The following ATAD2B variants were observed in gnomAD, a reference collection of about 807,000 sequenced individuals.
The protein encoded by ATAD2B is ATPase family AAA domain containing 2B, also known as ATPase family AAA domain-containing protein 2B.
Under a neutral mutation model 167.6 loss-of-function variants are expected in ATAD2B, and 40 were observed. That is an observed-to-expected ratio of 0.24 (90% CI 0.19 to 0.31). The LOEUF is 0.31. Among genes scored for constraint, ATAD2B ranks in the 10% least tolerant of loss-of-function variants. The pLI is 1.00. For synonymous variants in ATAD2B, 579 were observed against 596.5 expected (o/e 0.97, Z 0.43); for missense variants, 1,242 against 1,757.2 (o/e 0.71, Z 5.24).
intron 1 of ATAD2B, among the ~76,000 whole-genome samples, chr2:23,902,393 T>A (rs902031368): frequency 1.3e-5 from 2 of 152,096 alleles, no homozygotes; most frequent in African/African-American, 4.8e-5. Flanking sequence ...TGTAAACAGG[T>A]ACAAAATAAT....
the ATAD2B span, among the ~76,000 whole-genome samples, chr2:23,729,585 C>A: frequency 6.6e-6 from 1 of 151,976 alleles, no homozygotes; most frequent in Non-Finnish European, 1.5e-5. Context: ...AAGATGTTAC[C>A]CCATTCTAGA....
chr2:23,834,936 A>G (rs1572964096), intron 13 of ATAD2B, among the ~76,000 whole-genome samples: 2 of 152,150 alleles, frequency 1.3e-5, no homozygotes, highest in Non-Finnish European at 2.9e-5. Context: ...TTGTATAGAC[A>G]TTTCTCCAAA....
chr2:23,727,524 T>C, the ATAD2B span, among the ~76,000 whole-genome samples: 6 of 151,998 alleles, frequency 3.9e-5, no homozygotes, highest in African/African-American at 9.7e-5. Flanking sequence ...AAACTAAGAG[T>C]ACCCTTTCCA....
At chr2:23,815,964 ATCT>A (rs1486129797) in intron 17 of ATAD2B, among the ~76,000 whole-genome samples, 2 of 152,204 alleles carry the variant, frequency 1.3e-5, no homozygotes, top group African/African-American at 2.4e-5. Context: ...GAGGGCCAGG[ATCT>A]TACCCTATTT....
At chr2:23,820,890 A>G (rs1015749067) in intron 16 of ATAD2B, among the ~76,000 whole-genome samples, 9 of 152,272 alleles carry the variant, frequency 5.9e-5, no homozygotes, top group African/African-American at 2.2e-4. Context: ...CGGAGCTTGC[A>G]GTGAGCCAAG....
chr2:23,730,665 C>CAAAAAAAAAAAAAAAAAAAA, the ATAD2B span, among the ~76,000 whole-genome samples: 1 of 31,988 alleles, frequency 3.1e-5, no homozygotes, highest in Non-Finnish European at 5.4e-5. Context: ...GACTCCGTTT[C>CAAAAAAAAAAAAAAAAAAAA]AAAAAAAAAA....
At chr2:23,849,820 C>T (rs986966356) in intron 13 of ATAD2B, among the ~76,000 whole-genome samples, 1 of 152,016 alleles carries the variant, frequency 6.6e-6, no homozygotes, top group Admixed American at 6.6e-5. Context: ...GAGTGAGACT[C>T]CGTCTCAAAA....
chr2:23,789,465 C>G (rs939307260), intron 19 of ATAD2B, among the ~76,000 whole-genome samples: 2 of 152,078 alleles, frequency 1.3e-5, no homozygotes, highest in African/African-American at 4.8e-5. Context: ...TATCCCAGTG[C>G]CTGGTATTTA....
intron 13 of ATAD2B, among the ~76,000 whole-genome samples, chr2:23,848,692 T>C (rs1692073217): frequency 1.3e-5 from 2 of 152,012 alleles, no homozygotes; most frequent in South Asian, 4.2e-4. Flanking sequence ...CAAACTGGAA[T>C]CATAAAAAAT....
chr2:23,768,189 A>G (rs1677737470), intron 22 of ATAD2B, among the ~76,000 whole-genome samples: 1 of 152,196 alleles, frequency 6.6e-6, no homozygotes, highest in Admixed American at 6.5e-5. Flanking sequence ...AAAGTATACA[A>G]TTTGATACAT....
chr2:23,698,871 C>A, the ATAD2B span, among the ~76,000 whole-genome samples: 360 of 152,300 alleles, frequency 2.4e-3, 2 homozygotes, highest in African/African-American at 8.0e-3. Flanking sequence ...AGGAAATTCG[C>A]ATTTGGTGCG....
chr2:23,824,559 A>G (rs1028273187), intron 15 of ATAD2B, among the ~76,000 whole-genome samples: 13 of 152,242 alleles, frequency 8.5e-5, no homozygotes, highest in African/African-American at 2.9e-4. Context: ...ATTAAAGTAA[A>G]TAAGAACATT....
At chr2:23,703,801 C>A in the ATAD2B span, 1 of 1,537,492 alleles carries the variant, frequency 6.5e-7, no homozygotes, top group Non-Finnish European at 8.7e-7. Flanking sequence ...CCACCATCTA[C>A]GACCCTGAGA....
At chr2:23,818,121 AT>A (rs1451147547) in intron 17 of ATAD2B, among the ~76,000 whole-genome samples, 24 of 64,876 alleles carry the variant, frequency 3.7e-4, no homozygotes, top group East Asian at 4.1e-4. Flanking sequence ...ACACACACAC[AT>A]TACACACACA....
At chr2:23,760,768 AC>A (rs60701814) in intron 24 of ATAD2B, among the ~76,000 whole-genome samples, 62 of 56,170 alleles carry the variant, frequency 1.1e-3, no homozygotes, top group Middle Eastern at 0.012. Context: ...ACACACACAC[AC>A]ACCACTTCCT....
At chr2:23,828,201 CT>C (rs1338310282) in intron 15 of ATAD2B, among the ~76,000 whole-genome samples, 1 of 151,734 alleles carries the variant, frequency 6.6e-6, no homozygotes, top group Non-Finnish European at 1.5e-5. Context: ...TATTTCAGAC[CT>C]AATTAGAGCC....
At chr2:23,785,866 T>C (rs1480996852) in intron 21 of ATAD2B, 161 bp downstream of exon 21, 2 of 552,454 alleles carry the variant, frequency 3.6e-6, no homozygotes, top group Non-Finnish European at 3.0e-6. Context: ...TCACCAGATG[T>C]TTGCTGATGA....
intron 7 of ATAD2B, among the ~76,000 whole-genome samples, chr2:23,878,025 A>AAAAAAAAAAAAAAAAAAAAAAAAC (rs1558714074): frequency 9.3e-6 from 1 of 106,972 alleles, no homozygotes; most frequent in Admixed American, 1.4e-4. Flanking sequence ...AAAAAAAAAA[A>AAAAAAAAAAAAAAAAAAAAAAAAC]AAAAAAAAAA....
chr2:23,690,114 C>G, the ATAD2B span: 3 of 152,296 alleles, frequency 2.0e-5, no homozygotes, highest in Admixed American at 1.3e-4. Flanking sequence ...TGCACCTCCC[C>G]CTCTCCTCCT....
Sources: allele counts gnomAD v4.1 joint callset (sites outside exome capture counted in the v4.1 genomes callset), GRCh38; gene constraint gnomAD v4.1.1; transcripts MANE v1.5; gene names NCBI Gene and HGNC (gene_info 2026-07-23, HGNC 2026-07-21).